The following FGF12 variants were observed in gnomAD, a reference collection of about 807,000 sequenced individuals.
FGF12 encodes the protein fibroblast growth factor 12.
FGF12 carries 14 observed loss-of-function variants against 23.6 expected under a neutral mutation model. The ratio of observed to expected loss-of-function variants is 0.59; its 90% confidence interval spans 0.39 to 0.93. The LOEUF is 0.93. FGF12 is among the 40% of genes least tolerant of loss of function. The pLI is 0.00. For missense variants in FGF12, 175 were observed against 217.8 expected, an observed-to-expected ratio of 0.80 and a Z score of 1.24; for synonymous variants, 62 against 77.3, an observed-to-expected ratio of 0.80 and a Z score of 1.04.
intron 2 of FGF12, among the ~76,000 whole-genome samples, chr3:192,387,576 G>A (rs775184178): frequency 9.2e-5 from 14 of 152,030 alleles, no homozygotes; most frequent in South Asian, 4.2e-4. Flanking sequence ...GTTTGGATGC[G>A]GTGGCTAAGG....
intron 2 of FGF12, among the ~76,000 whole-genome samples, chr3:192,369,427 G>T (rs1053446082): frequency 1.3e-5 from 2 of 152,166 alleles, no homozygotes; most frequent in Admixed American, 1.3e-4. Context: ...ATTTCAACAG[G>T]AATCGAATGA....
chr3:192,623,703 T>G (rs1715057318), intron 2 of FGF12, among the ~76,000 whole-genome samples: 1 of 152,114 alleles, frequency 6.6e-6, no homozygotes, highest in Non-Finnish European at 1.5e-5. Flanking sequence ...GTCACTGCAG[T>G]GCAGATTCAG....
intron 2 of FGF12, among the ~76,000 whole-genome samples, chr3:192,594,235 TTA>T (rs1339099186): frequency 6.6e-6 from 1 of 151,860 alleles, no homozygotes; most frequent in Non-Finnish European, 1.5e-5. Flanking sequence ...TGGGCTAGTT[TTA>T]GAGTCCACAC....
intron 2 of FGF12, among the ~76,000 whole-genome samples, chr3:192,596,553 A>C (rs1713862519): frequency 6.6e-6 from 1 of 151,998 alleles, no homozygotes; most frequent in South Asian, 2.1e-4. Context: ...GAGGCTTGAC[A>C]TGTCTTTCCC....
intron 2 of FGF12, among the ~76,000 whole-genome samples, chr3:192,366,366 A>T (rs1030552957): frequency 1.3e-5 from 2 of 152,112 alleles, no homozygotes; most frequent in Non-Finnish European, 2.9e-5. Flanking sequence ...CTGCATATAA[A>T]CTCCAATCTA....
In FGF12 at chr3:192,181,353, G is replaced by C. The variant is rs114547616; in HGVS notation, c.229-10697C>G. On this transcript the variant is annotated intron_variant, in intron 4 of 5. Coordinates refer to ENST00000445105, the MANE Select transcript of FGF12 (RefSeq NM_004113.6). ...AAAACAGTCAAGACAAGACCTACAC[G>C]CACACACACAGACACACACACACAG... Among the ~76,000 whole-genome samples the C allele has an allele frequency of 6.6e-3, 969 of 147,010 alleles. 5 individuals carry two copies. Among genetic ancestry groups the C allele is most frequent in the African/African-American group, 0.024 (930 of 38,218 alleles).
At chr3:192,509,221 C>T (rs552193257) in intron 2 of FGF12, among the ~76,000 whole-genome samples, 134 of 152,272 alleles carry the variant, frequency 8.8e-4, no homozygotes, top group African/African-American at 3.2e-3. Flanking sequence ...CAGAAAAAGT[C>T]TGGGTTCCCT....
At chr3:192,440,373 A>G (rs536825516) in intron 2 of FGF12, among the ~76,000 whole-genome samples, 1 of 152,286 alleles carries the variant, frequency 6.6e-6, no homozygotes, top group East Asian at 1.9e-4. Flanking sequence ...AGTATTTTCC[A>G]GCAGCTCAGG....
intron 4 of FGF12, among the ~76,000 whole-genome samples, chr3:192,308,530 A>G (rs770220753): frequency 1.3e-5 from 2 of 152,044 alleles, no homozygotes; most frequent in Non-Finnish European, 2.9e-5. Flanking sequence ...ATACAAAAAA[A>G]TTAGCCGGGC....
At chr3:192,387,353 A>G (rs892012578) in intron 2 of FGF12, among the ~76,000 whole-genome samples, 3 of 152,224 alleles carry the variant, frequency 2.0e-5, no homozygotes, top group Non-Finnish European at 4.4e-5. Context: ...AACCAAAAGT[A>G]TATCTAGCCA....
chr3:192,593,245 T>A (rs1255296485), intron 2 of FGF12, among the ~76,000 whole-genome samples: 3 of 151,762 alleles, frequency 2.0e-5, no homozygotes, highest in African/African-American at 7.2e-5. Flanking sequence ...GCACAAGCTG[T>A]CCCCATTGCT....
chr3:192,521,370 G>A (rs746196734), intron 2 of FGF12: 2 of 152,086 alleles, frequency 1.3e-5, no homozygotes, highest in Admixed American at 6.5e-5. Flanking sequence ...GAATAAACAC[G>A]AGCTCGTTAG....
intron 2 of FGF12, among the ~76,000 whole-genome samples, chr3:192,688,898 C>T (rs1404470602): frequency 6.6e-6 from 1 of 152,110 alleles, no homozygotes; most frequent in Non-Finnish European, 1.5e-5. Flanking sequence ...TAATGAAATA[C>T]TATCTAGCCA....
intron 2 of FGF12, among the ~76,000 whole-genome samples, chr3:192,679,063 C>A (rs941575151): frequency 6.6e-6 from 1 of 152,090 alleles, no homozygotes; most frequent in African/African-American, 2.4e-5. Flanking sequence ...CGCTCTGGAT[C>A]CCAGCTTTGG....
intron 2 of FGF12, among the ~76,000 whole-genome samples, chr3:192,415,719 T>TTC (rs554440615): frequency 0.18 from 12,149 of 68,678 alleles, 846 homozygotes; most frequent in African/African-American, 0.22. Flanking sequence ...GATACTTCTC[T>TTC]TCTCTCTCTC....
At chr3:192,659,674 G>C (rs1716578331) in intron 2 of FGF12, among the ~76,000 whole-genome samples, 1 of 152,144 alleles carries the variant, frequency 6.6e-6, no homozygotes, top group Non-Finnish European at 1.5e-5. Context: ...GAAATTCCAA[G>C]TAGGGTCAAA....
intron 4 of FGF12, among the ~76,000 whole-genome samples, chr3:192,212,021 A>G (rs1717954519): frequency 6.6e-6 from 1 of 152,222 alleles, no homozygotes; most frequent in Admixed American, 6.5e-5. Context: ...TGCAACTTGA[A>G]CAACATGTAT....
chr3:192,683,601 T>C (rs1717622456), intron 2 of FGF12, among the ~76,000 whole-genome samples: 1 of 152,180 alleles, frequency 6.6e-6, no homozygotes, highest in African/African-American at 2.4e-5. Flanking sequence ...ATTTCCCCGC[T>C]CTATTAAGCA....
intron 2 of FGF12, among the ~76,000 whole-genome samples, chr3:192,365,352 T>A (rs1718930424): frequency 6.6e-6 from 1 of 150,826 alleles, no homozygotes; most frequent in Non-Finnish European, 1.5e-5. Context: ...ACATAACAAC[T>A]AAATGTAATG....
Sources: allele counts gnomAD v4.1 joint callset (sites outside exome capture counted in the v4.1 genomes callset), GRCh38; gene constraint gnomAD v4.1.1; transcripts MANE v1.5; gene names NCBI Gene and HGNC (gene_info 2026-07-23, HGNC 2026-07-21).